Variants in MAGI1 observed in about 807,000 individuals in gnomAD.
The protein encoded by MAGI1 is membrane associated guanylate kinase, WW and PDZ domain containing 1, also known as membrane-associated guanylate kinase, WW and PDZ domain-containing protein 1.
In MAGI1, 58 loss-of-function variants were observed where a neutral mutation model predicts 139.9. The observed-to-expected ratio is 0.41, with a 90% CI of 0.34 to 0.52. MAGI1 has a LOEUF of 0.52. Among genes scored for constraint, MAGI1 ranks in the 20% least tolerant of loss-of-function variants. The pLI is 0.12. For missense variants in MAGI1, 1,874 were observed against 1,901.6 expected (o/e 0.99, Z 0.27); for synonymous variants, 812 against 737.9 (o/e 1.10, Z -1.63).
intron 1 of MAGI1, among the ~76,000 whole-genome samples, chr3:65,943,298 A>C (rs986783534): frequency 4.6e-5 from 7 of 152,246 alleles, no homozygotes; most frequent in Admixed American, 4.6e-4. Context: ...TCTCAGGGCC[A>C]GGCACAGTGG....
intron 2 of MAGI1, among the ~76,000 whole-genome samples, chr3:65,606,818 C>T (rs928945668): frequency 1.1e-4 from 16 of 151,928 alleles, no homozygotes; most frequent in Admixed American, 5.9e-4. Flanking sequence ...GCACCCAGCC[C>T]GGCTAATTTT....
chr3:65,586,320 A>G (rs549838901), intron 2 of MAGI1, among the ~76,000 whole-genome samples: 4 of 152,326 alleles, frequency 2.6e-5, no homozygotes, highest in South Asian at 4.1e-4. Flanking sequence ...ATATTCAGAA[A>G]AAAAGGCAAA....
At chr3:65,502,698 C>G (rs745673857) in intron 2 of MAGI1, among the ~76,000 whole-genome samples, 6 of 152,282 alleles carry the variant, frequency 3.9e-5, no homozygotes, top group East Asian at 3.9e-4. Context: ...AATTCCATCA[C>G]GAGAATCTGA....
chr3:65,976,326 T>G (rs1475800507), intron 1 of MAGI1, among the ~76,000 whole-genome samples: 2 of 152,096 alleles, frequency 1.3e-5, no homozygotes, highest in African/African-American at 4.8e-5. Flanking sequence ...CATACAAAAT[T>G]TATTTAAAAG....
intron 1 of MAGI1, among the ~76,000 whole-genome samples, chr3:65,658,245 G>T (rs1048246552): frequency 2.0e-5 from 3 of 148,388 alleles, no homozygotes; most frequent in Non-Finnish European, 4.5e-5. Flanking sequence ...GGGTTCTAGA[G>T]AATGTTACAG....
At position 65,972,316 on chromosome 3, in the gene MAGI1, T is replaced by C. The variant is rs1038022710; in HGVS notation, c.313+65680A>G. Among the ~76,000 whole-genome samples the C allele has an allele frequency of 3.9e-5, 6 of 152,370 alleles. No individual in the cohort carries two copies. The East Asian group carries it at 9.6e-4, about 24-fold the overall frequency. The stretch of plus-strand genomic sequence containing the variant: ...CGAGAAAGGAGCAGAGAATATATTT[T>C]AGAAAATGTCCAGCAGAAGAAATTT... On this transcript the variant is annotated intron_variant, in intron 1 of 22. Transcript: ENST00000402939.
intron 1 of MAGI1, among the ~76,000 whole-genome samples, chr3:65,837,081 C>T (rs942603460): frequency 1.3e-5 from 2 of 151,776 alleles, no homozygotes; most frequent in Non-Finnish European, 2.9e-5. Flanking sequence ...CTGACACCAT[C>T]AAGACAGAAA....
At chr3:65,940,764 G>T (rs372923859) in intron 1 of MAGI1, among the ~76,000 whole-genome samples, 11 of 152,106 alleles carry the variant, frequency 7.2e-5, no homozygotes, top group African/African-American at 2.7e-4. Flanking sequence ...ACCAAAGTGC[G>T]TATCAGACTG....
Position 65,458,675 on chromosome 3 carries a change from G to A in MAGI1, c.960-5335C>T, listed in dbSNP as rs184631572. On this transcript the variant is annotated intron_variant, in intron 5 of 22. Transcript: ENST00000402939. ...TCAGACTACTAGATTTTTCCATAGAGTTGCTTGAGCTCCCTATATATATTC... is the reference window on the plus strand; with the variant it reads ...TCAGACTACTAGATTTTTCCATAGAATTGCTTGAGCTCCCTATATATATTC... Among the ~76,000 whole-genome samples the A allele has an allele frequency of 7.9e-5, 12 of 152,072 alleles. No individual in the cohort carries two copies. The East Asian group carries it at 1.7e-3, about 22-fold the overall frequency.
In MAGI1 at chr3:65,794,863, C is replaced by T. The variant is rs62244011; in HGVS notation, c.314-172775G>A. Among the ~76,000 whole-genome samples, 3 of 145,464 alleles carry T rather than the reference C, an allele frequency of 2.1e-5. 1 individual carries two copies. In the South Asian group the frequency reaches 6.5e-4, roughly 32 times the overall value. ...CATCAGGAAAAAAAAAAAAAAAACC[C>T]ACAAACTATCCGGGTATAAGATGGG... On this transcript the variant is annotated intron_variant, in intron 1 of 22. Transcript: ENST00000402939.
chr3:65,635,682 A>T (rs1341892254), intron 1 of MAGI1, among the ~76,000 whole-genome samples: 1 of 152,236 alleles, frequency 6.6e-6, no homozygotes, highest in African/African-American at 2.4e-5. Context: ...TGCAAATACA[A>T]CTGAGATCCC....
In MAGI1 at chr3:65,379,426, C is replaced by G; in HGVS notation, c.2830G>C (p.Gly944Arg). Residue 944 changes from glycine (G) to arginine (R), a missense_variant, in exon 17 of 23, where the codon GGC (glycine) becomes CGC (arginine). By Grantham distance (125) the Gly-to-Arg change is moderately radical (BLOSUM62 -2). Transcript: ENST00000402939. ...CCGATGCCGCTGGTGCTGCCGCTGCCCGAGCTCACCGTGTTCAGCGAGTTC... is the reference window on the plus strand; with the variant it reads ...CCGATGCCGCTGGTGCTGCCGCTGCGCGAGCTCACCGTGTTCAGCGAGTTC... ...SQNSLNTVSS[G>R]SGSTSGIGSG... 6.2e-7 allele frequency: 1 copy of G among 1,613,696 alleles called. No homozygotes were observed. The highest frequency in any genetic ancestry group is 8.5e-7 in the Non-Finnish European group (1 of 1,179,700).
At chr3:65,752,089 G>T (rs574036904) in intron 1 of MAGI1, among the ~76,000 whole-genome samples, 1 of 152,188 alleles carries the variant, frequency 6.6e-6, no homozygotes, top group South Asian at 2.1e-4. Context: ...GACTACAGGC[G>T]CAACTCACAA....
Position 65,962,638 on chromosome 3 carries a change from C to T in MAGI1, c.313+75358G>A, listed in dbSNP as rs185796255. On this transcript the variant is annotated intron_variant, in intron 1 of 22. Transcript: ENST00000402939. ...CTGCTTGAGGTCAGGAGTTCAAGAC[C>T]AGCCTGGCCAACATGGTGAAACCCA... 8.5e-4 allele frequency among the ~76,000 whole-genome samples: 129 copies of T among 151,630 alleles called. 1 individual carries two copies. The highest frequency in any genetic ancestry group is 3.4e-3 in the Middle Eastern group (1 of 290).
At chr3:65,824,400 G>T (rs1032144307) in intron 1 of MAGI1, among the ~76,000 whole-genome samples, 1 of 152,092 alleles carries the variant, frequency 6.6e-6, no homozygotes, top group Non-Finnish European at 1.5e-5. Flanking sequence ...TGTCTTCAAT[G>T]AACATATACC....
intron 1 of MAGI1, among the ~76,000 whole-genome samples, chr3:65,636,904 G>A (rs573171462): frequency 8.5e-5 from 13 of 152,162 alleles, no homozygotes; most frequent in South Asian, 4.1e-4. Flanking sequence ...AGACCCAGCC[G>A]ACCAAATCTT....
At chr3:65,523,112 T>C (rs913912804) in intron 2 of MAGI1, among the ~76,000 whole-genome samples, 17 of 152,114 alleles carry the variant, frequency 1.1e-4, no homozygotes, top group Non-Finnish European at 2.1e-4. Context: ...AAAGATGGAG[T>C]CTAAGCACAC....
chr3:65,474,903 C>T (rs1018993637), intron 4 of MAGI1, among the ~76,000 whole-genome samples: 10 of 152,126 alleles, frequency 6.6e-5, no homozygotes, highest in Non-Finnish European at 1.3e-4. Flanking sequence ...ACCAGTTTTG[C>T]GATACTGGAC....
At chr3:65,945,620 A>G (rs181380294) in intron 1 of MAGI1, among the ~76,000 whole-genome samples, 69 of 152,304 alleles carry the variant, frequency 4.5e-4, no homozygotes, top group African/African-American at 1.6e-3. Flanking sequence ...TACACTGCTG[A>G]GTGTTCAACT....
Sources: gnomAD v4.1 joint callset for allele counts (sites outside exome capture counted in the v4.1 genomes callset) on GRCh38, gnomAD v4.1.1 for gene constraint, MANE v1.5 for transcripts, NCBI Gene and HGNC (gene_info 2026-07-23, HGNC 2026-07-21) for gene names.